Variants in PHLDB2 observed in about 807,000 individuals in gnomAD.
PHLDB2 encodes pleckstrin homology-like domain family B member 2.
PHLDB2 carries 71 observed loss-of-function variants against 123.6 expected under a neutral mutation model. That is an observed-to-expected ratio of 0.57 (90% confidence interval 0.47 to 0.70). The LOEUF is 0.70. Ranked by LOEUF, PHLDB2 falls within the 30% of genes least tolerant of loss-of-function variation. PHLDB2 has a pLI of 0.00. For missense variants in PHLDB2, 1,446 were observed against 1,519.5 expected (o/e 0.95, Z 0.80); for synonymous variants, 547 against 541.6 (o/e 1.01, Z -0.14).
chr3:111,924,043 T>C (rs1363307475), intron 5 of PHLDB2, among the ~76,000 whole-genome samples: 3 of 152,124 alleles, frequency 2.0e-5, no homozygotes, highest in African/African-American at 7.2e-5. Context: ...CAGAGTCACC[T>C]TCCTTTCTAT....
intron 1 of PHLDB2, 154 bp downstream of exon 1, chr3:111,859,730 C>G (rs2108643120): frequency 1.0e-6 from 1 of 985,332 alleles, no homozygotes; most frequent in Admixed American, 6.1e-5. Context: ...CAGTGGCTGC[C>G]CGGGCCGAGG....
rs778711435 is a variant in PHLDB2 at position 111,948,974 on chromosome 3, T to TCCACGAATCTATC, written c.2533_2545dup (p.Pro849HisfsTer12). 2 of 1,614,034 alleles carry TCCACGAATCTATC rather than the reference T, an allele frequency of 1.2e-6. No individual in the cohort carries two copies. Among genetic ancestry groups the TCCACGAATCTATC allele is most frequent in the Non-Finnish European group, 1.7e-6 (2 of 1,179,932 alleles). The stretch of plus-strand genomic sequence containing the variant: ...TGAGATTAATGAGCCGTGTGGCAAT[T>TCCACGAATCTATC]CCACGAATCTATCCCCTTCCACTCA... On this transcript the variant is annotated frameshift_variant, in exon 10 of 18. Coordinates refer to ENST00000431670, the MANE Select transcript of PHLDB2 (RefSeq NM_001134438.2). LOFTEE classifies it high-confidence loss of function.
At chr3:111,856,373 A>C (rs781455648), upstream of PHLDB2, among the ~76,000 whole-genome samples, 1 of 152,212 alleles carries the variant, frequency 6.6e-6, no homozygotes, top group Non-Finnish European at 1.5e-5. Context: ...TGCCTCTACC[A>C]ACTTATTACC....
chr3:111,834,183 A>G (rs868559276), intron 1 of PHLDB2, among the ~76,000 whole-genome samples: 4 of 107,396 alleles, frequency 3.7e-5, no homozygotes, highest in Non-Finnish European at 6.9e-5. Context: ...AATTATATAT[A>G]TTATATATGT....
chr3:111,844,896 A>C (rs1204806131), intron 1 of PHLDB2, among the ~76,000 whole-genome samples: 4 of 152,192 alleles, frequency 2.6e-5, no homozygotes, highest in African/African-American at 9.6e-5. Flanking sequence ...TAGGTGTACA[A>C]CAAATGGGAG....
At chr3:111,786,517 T>A (rs1452885184) in intron 1 of PHLDB2, among the ~76,000 whole-genome samples, 2 of 152,210 alleles carry the variant, frequency 1.3e-5, no homozygotes, top group Non-Finnish European at 2.9e-5. Flanking sequence ...GATTTTATGA[T>A]TCTGGATTGT....
intron 2 of PHLDB2, among the ~76,000 whole-genome samples, chr3:111,908,307 A>G (rs2067676064): frequency 6.6e-6 from 1 of 152,240 alleles, no homozygotes; most frequent in Middle Eastern, 3.2e-3. Context: ...TTTCTTTAGT[A>G]GGATCCCTGA....
intron 2 of PHLDB2, among the ~76,000 whole-genome samples, chr3:111,892,413 C>G (rs1285168483): frequency 6.6e-6 from 1 of 152,110 alleles, no homozygotes; most frequent in Non-Finnish European, 1.5e-5. Context: ...AGCCAGATGA[C>G]TAGAGTATAG....
At chr3:111,856,885 A>G (rs550497957), upstream of PHLDB2, among the ~76,000 whole-genome samples, 88 of 152,366 alleles carry the variant, frequency 5.8e-4, no homozygotes, top group African/African-American at 2.1e-3. Flanking sequence ...ATTTTACAAT[A>G]TAGTAGAATG....
At chr3:111,906,147 A>G (rs1026808176) in intron 2 of PHLDB2, among the ~76,000 whole-genome samples, 5 of 152,238 alleles carry the variant, frequency 3.3e-5, no homozygotes, top group Non-Finnish European at 7.3e-5. Context: ...TAGGCGCAAT[A>G]AACTATTACA....
At chr3:111,897,955 ATATAT>A (rs2066964719) in intron 2 of PHLDB2, among the ~76,000 whole-genome samples, 1 of 152,250 alleles carries the variant, frequency 6.6e-6, no homozygotes, top group South Asian at 2.1e-4. Flanking sequence ...CTATACTGTA[ATATAT>A]TAAGTATGCA....
chr3:111,885,773 T>C, intron 2 of PHLDB2: 1 of 591,416 alleles, frequency 1.7e-6, no homozygotes. Context: ...ATTTATATCA[T>C]TAAATTTGCT....
chr3:111,883,669 C>T (rs2107329173), intron 1 of PHLDB2, among the ~76,000 whole-genome samples: 1 of 152,328 alleles, frequency 6.6e-6, no homozygotes, highest in Admixed American at 6.5e-5. Flanking sequence ...CTAGCAGAGA[C>T]AGCTATAGGA....
intron 12 of PHLDB2, among the ~76,000 whole-genome samples, chr3:111,954,243 G>T (rs541597907): frequency 1.3e-5 from 2 of 152,092 alleles, no homozygotes; most frequent in Non-Finnish European, 2.9e-5. Context: ...GTACTTTATA[G>T]ATTTGATAGA....
intron 2 of PHLDB2, among the ~76,000 whole-genome samples, chr3:111,895,846 CA>C (rs72208590): frequency 0.11 from 14,804 of 131,350 alleles, 946 homozygotes; most frequent in East Asian, 0.23. Context: ...GAAACTCAGT[CA>C]AAAAAAAAAA....
At chr3:111,876,149 C>G (rs1404884366) in intron 1 of PHLDB2, among the ~76,000 whole-genome samples, 1 of 152,028 alleles carries the variant, frequency 6.6e-6, no homozygotes, top group Non-Finnish European at 1.5e-5. Flanking sequence ...CATGGAAATG[C>G]TAAGAAATTA....
intron 1 of PHLDB2, among the ~76,000 whole-genome samples, chr3:111,769,412 C>T (rs1458637295): frequency 2.6e-5 from 4 of 152,194 alleles, no homozygotes; most frequent in African/African-American, 9.6e-5. Flanking sequence ...TCCCCATATT[C>T]TACCATCCTA....
At chr3:111,924,537 A>G (rs947644803) in intron 5 of PHLDB2, among the ~76,000 whole-genome samples, 3 of 152,280 alleles carry the variant, frequency 2.0e-5, no homozygotes, top group African/African-American at 4.8e-5. Context: ...CCGTGTGCAT[A>G]TGCCAGGAGG....
intron 1 of PHLDB2, among the ~76,000 whole-genome samples, chr3:111,814,567 A>G (rs868355597): frequency 1.2e-4 from 18 of 152,014 alleles, no homozygotes; most frequent in South Asian, 4.2e-4. Flanking sequence ...AGTTTTCTAC[A>G]TAGATGTCTG....
Sources: allele counts gnomAD v4.1 joint callset (sites outside exome capture counted in the v4.1 genomes callset), GRCh38; gene constraint gnomAD v4.1.1; transcripts MANE v1.5; gene names NCBI Gene and HGNC (gene_info 2026-07-23, HGNC 2026-07-21).